The following GLOD4 variants were observed in gnomAD, a reference collection of about 807,000 sequenced individuals.
The protein encoded by GLOD4 is glyoxalase domain-containing protein 4.
A neutral mutation model predicts 39.1 loss-of-function variants in GLOD4; 44 were observed. The ratio of observed to expected loss-of-function variants is 1.13; its 90% confidence interval spans 0.88 to 1.45. The LOEUF (loss-of-function observed/expected upper bound fraction) is 1.45, where lower values mean the gene tolerates loss of function less well. GLOD4 is among the 40% of genes most tolerant of loss of function. The pLI is 0.00. For missense variants in GLOD4, 405 were observed against 366.4 expected, an observed-to-expected ratio of 1.11 and a Z score of -0.86; for synonymous variants, 145 against 135.0, an observed-to-expected ratio of 1.07 and a Z score of -0.52.
At chr17:775,498 A>G (rs973763081) in intron 4 of GLOD4, among the ~76,000 whole-genome samples, 7 of 152,348 alleles carry the variant, frequency 4.6e-5, no homozygotes, top group African/African-American at 1.7e-4. Context: ...AAAAGATTCT[A>G]TAACTGTTCA....
intron 8 of GLOD4, among the ~76,000 whole-genome samples, chr17:768,128 T>G (rs1226855): frequency 8.9e-6 from 1 of 112,468 alleles, no homozygotes; most frequent in Non-Finnish European, 1.7e-5. Flanking sequence ...AGAAACAGCG[T>G]GCACTCAGAT....
chr17:783,142 T>C (rs1910273702), upstream of GLOD4: 2 of 1,614,018 alleles, frequency 1.2e-6, no homozygotes, highest in Admixed American at 1.7e-5. Context: ...AAGATCCTGC[T>C]GGAAGGTCGC....
At chr17:781,110 A>G (rs1482909029) in intron 1 of GLOD4, among the ~76,000 whole-genome samples, 1 of 151,968 alleles carries the variant, frequency 6.6e-6, no homozygotes, top group Non-Finnish European at 1.5e-5. Context: ...TAGTAGAGAC[A>G]GGGTTTCACC....
At chr17:783,489 A>G (rs1041467144), upstream of GLOD4, 35 of 632,254 alleles carry the variant, frequency 5.5e-5, no homozygotes, top group Middle Eastern at 9.6e-4. Flanking sequence ...GGCGTCTGCC[A>G]CCATGCCCGG....
intron 4 of GLOD4, among the ~76,000 whole-genome samples, chr17:772,332 AAAT>A (rs1908126001): frequency 6.6e-6 from 1 of 152,098 alleles, no homozygotes; most frequent in Non-Finnish European, 1.5e-5. Flanking sequence ...TGGGTTAAAA[AAAT>A]AAGTTTAGAG....
At position 776,903 on chromosome 17, in the gene GLOD4, C is replaced by G; in HGVS notation, c.226G>C (p.Gly76Arg). 1.9e-6 allele frequency: 3 copies of G among 1,612,860 alleles called. No homozygotes were observed. In the South Asian group the frequency reaches 3.3e-5, roughly 18 times the overall value. Residue 76 changes from glycine (G) to arginine (R), a missense_variant, in exon 3 of 9, where the codon GGC becomes CGC. Transcript: ENST00000301329. ...HFVAELTYNYGVGDYKLGNDF... is the reference protein window; with the variant it reads ...HFVAELTYNYRVGDYKLGNDF... Reference sequence around the variant, plus strand: ...TTGCCAAGCTTGTAGTCTCCGACGCCATAATTGTAAGTCAGTTCTGCGACA... The same window carrying G: ...TTGCCAAGCTTGTAGTCTCCGACGCGATAATTGTAAGTCAGTTCTGCGACA...
rs747682880 is a variant in GLOD4, at chr17:775,912, G to A, written c.269C>T (p.Thr90Met). 38 of 1,612,592 alleles carry A rather than the reference G, an allele frequency of 2.4e-5. No individual in the cohort carries two copies. The highest frequency in any genetic ancestry group is 2.2e-5 in the East Asian group (1 of 44,886). The part of the protein sequence containing the change: ...YKLGNDFMGI[T>M]LASSQAVSNA... The stretch of plus-strand genomic sequence containing the variant: ...GCTGACAGCCTGGCTAGAAGCGAGC[G>A]TGATTCCCTACAACAAACAACAGTA... The change falls in exon 4 of 9, where the codon ACG becomes ATG. Residue 90 changes from threonine (T) to methionine (M), a missense_variant. Coordinates refer to ENST00000301329, the MANE Select transcript of GLOD4 (RefSeq NM_016080.4).
intron 1 of GLOD4, among the ~76,000 whole-genome samples, chr17:779,001 T>G (rs1909407383): frequency 6.6e-6 from 1 of 152,100 alleles, no homozygotes; most frequent in African/African-American, 2.4e-5. Context: ...TGGGAAAAAG[T>G]GTGGCCTTCA....
chr17:762,606 T>C (rs2144268410), intron 8 of GLOD4, among the ~76,000 whole-genome samples: 1 of 144,892 alleles, frequency 6.9e-6, no homozygotes, highest in Middle Eastern at 3.9e-3. Flanking sequence ...GGAATAATTA[T>C]TTCATCACCA....
At chr17:768,557 A>G (rs1360799340) in intron 8 of GLOD4, among the ~76,000 whole-genome samples, 45 of 129,442 alleles carry the variant, frequency 3.5e-4, no homozygotes, top group African/African-American at 1.2e-3. Flanking sequence ...GACGTGAGAG[A>G]GAGAAACAGC....
chr17:774,154 G>C (rs1908475349), intron 4 of GLOD4, among the ~76,000 whole-genome samples: 2 of 152,180 alleles, frequency 1.3e-5, no homozygotes, highest in South Asian at 4.1e-4. Flanking sequence ...AATCACCAGT[G>C]AGGCAGAGAA....
At chr17:782,722 T>C, upstream of GLOD4, 1 of 1,567,208 alleles carries the variant, frequency 6.4e-7, no homozygotes, top group Non-Finnish European at 8.7e-7. Context: ...TGTCGAATGT[T>C]CTCGTTTCCC....
chr17:780,288 T>A (rs1909665346), intron 1 of GLOD4, among the ~76,000 whole-genome samples: 1 of 152,202 alleles, frequency 6.6e-6, no homozygotes, highest in African/African-American at 2.4e-5. Flanking sequence ...TTTAAGAACA[T>A]AAGTGAGCTC....
intron 1 of GLOD4, 193 bp downstream of exon 1, chr17:781,973 G>A: frequency 1.7e-6 from 1 of 584,210 alleles, no homozygotes; most frequent in Non-Finnish European, 3.1e-6. Context: ...AATCGTGTTA[G>A]GCCCTTCTCC....
chr17:782,534 C>T (rs202189405), upstream of GLOD4: 399 of 1,613,548 alleles, frequency 2.5e-4, 2 homozygotes, highest in East Asian at 8.3e-3. Context: ...AACAGAAGCG[C>T]GCTCCTGGGA....
upstream of GLOD4, among the ~76,000 whole-genome samples, chr17:783,776 A>G (rs1342821000): frequency 6.6e-6 from 1 of 152,238 alleles, no homozygotes; most frequent in Non-Finnish European, 1.5e-5. Context: ...GAGTATTTTC[A>G]ATGGAAATTG....
intron 2 of GLOD4, 109 bp from the exon 3 acceptor site, chr17:777,097 A>C (rs1909093816): frequency 9.7e-7 from 1 of 1,030,784 alleles, no homozygotes; most frequent in Non-Finnish European, 1.5e-6. Flanking sequence ...TGGTCCTAAA[A>C]GTTCTCTTAA....
intron 8 of GLOD4, among the ~76,000 whole-genome samples, chr17:761,197 TATA>T (rs1207236316): frequency 1.3e-5 from 2 of 152,328 alleles, no homozygotes; most frequent in East Asian, 1.9e-4. Flanking sequence ...AAGCATTTGC[TATA>T]ATATCTACCT....
At chr17:782,679 G>A, upstream of GLOD4, 1 of 1,603,196 alleles carries the variant, frequency 6.2e-7, no homozygotes, top group Non-Finnish European at 8.5e-7. Context: ...TTATCCCGGG[G>A]ACAGGAGGCT....
Sources: gnomAD v4.1 joint callset for allele counts (sites outside exome capture counted in the v4.1 genomes callset) on GRCh38, gnomAD v4.1.1 for gene constraint, MANE v1.5 for transcripts, NCBI Gene and HGNC (gene_info 2026-07-23, HGNC 2026-07-21) for gene names.